The following MAPKAP1 variants were observed in gnomAD, a reference collection of about 807,000 sequenced individuals.
MAPKAP1 encodes the protein MAPK associated protein 1, also known as target of rapamycin complex 2 subunit MAPKAP1.
MAPKAP1 carries 20 observed loss-of-function variants against 65.7 expected under a neutral mutation model. The ratio of observed to expected loss-of-function variants is 0.30; its 90% CI spans 0.21 to 0.44. The LOEUF is 0.44. Among genes scored for constraint, MAPKAP1 ranks in the 20% least tolerant of loss-of-function variants. MAPKAP1 has a pLI of 1.00. For synonymous variants in MAPKAP1, 222 were observed against 244.3 expected (o/e 0.91, Z 0.85); for missense variants, 423 against 648.0 (o/e 0.65, Z 3.77).
intron 10 of MAPKAP1, among the ~76,000 whole-genome samples, chr9:125,461,902 C>G (rs1411714451): frequency 2.0e-5 from 3 of 152,168 alleles, no homozygotes; most frequent in Admixed American, 6.5e-5. Flanking sequence ...GGTGCCTCAC[C>G]TACTGGGCCC....
intron 4 of MAPKAP1, among the ~76,000 whole-genome samples, chr9:125,616,094 G>T (rs561819455): frequency 2.0e-5 from 3 of 152,020 alleles, no homozygotes; most frequent in African/African-American, 7.2e-5. Context: ...AGGGAAATTT[G>T]ATATATGACC....
At chr9:125,483,821 T>C (rs536591948) in intron 9 of MAPKAP1, among the ~76,000 whole-genome samples, 1 of 152,278 alleles carries the variant, frequency 6.6e-6, no homozygotes, top group South Asian at 2.1e-4. Flanking sequence ...GTAAAGCACT[T>C]AACACAGTGA....
At chr9:125,444,339 C>A (rs559362872) in intron 11 of MAPKAP1, among the ~76,000 whole-genome samples, 162 bp downstream of exon 11, 1 of 152,230 alleles carries the variant, frequency 6.6e-6, no homozygotes, top group African/African-American at 2.4e-5. Flanking sequence ...CAGGCACTCA[C>A]CCCTGGGTGG....
intron 4 of MAPKAP1, among the ~76,000 whole-genome samples, chr9:125,609,708 T>C (rs984131618): frequency 1.3e-5 from 2 of 152,194 alleles, no homozygotes; most frequent in Non-Finnish European, 2.9e-5. Flanking sequence ...TTTCTCTTTT[T>C]GGTAGTTTTG....
At chr9:125,613,233 A>C (rs1186489258) in intron 4 of MAPKAP1, among the ~76,000 whole-genome samples, 2 of 152,218 alleles carry the variant, frequency 1.3e-5, no homozygotes, top group African/African-American at 2.4e-5. Context: ...CTTAACATGA[A>C]GCCAGTAAAC....
intron 7 of MAPKAP1, 192 bp downstream of exon 7, chr9:125,542,867 C>T: frequency 1.4e-6 from 1 of 738,824 alleles, no homozygotes; most frequent in Non-Finnish European, 2.5e-6. Context: ...CTCACATATG[C>T]CGCTGACCCA....
At chr9:125,569,023 T>C (rs915966964) in intron 5 of MAPKAP1, among the ~76,000 whole-genome samples, 4 of 152,244 alleles carry the variant, frequency 2.6e-5, no homozygotes, top group Non-Finnish European at 5.9e-5. Context: ...AATTAGTCGT[T>C]CTGTGTCGAG....
intron 4 of MAPKAP1, among the ~76,000 whole-genome samples, chr9:125,619,184 T>C (rs1832827727): frequency 6.6e-6 from 1 of 152,182 alleles, no homozygotes; most frequent in Non-Finnish European, 1.5e-5. Flanking sequence ...AGTATAAACA[T>C]GGGCTAGTCA....
At chr9:125,562,367 G>T (rs1371017297) in intron 5 of MAPKAP1, among the ~76,000 whole-genome samples, 1 of 152,162 alleles carries the variant, frequency 6.6e-6, no homozygotes, top group Admixed American at 6.5e-5. Context: ...GCTGTGGCCT[G>T]TCCTGAGCAT....
At chr9:125,632,481 C>T (rs527815856) in intron 4 of MAPKAP1, among the ~76,000 whole-genome samples, 32 of 152,290 alleles carry the variant, frequency 2.1e-4, no homozygotes, top group Middle Eastern at 3.4e-3. Context: ...TTACAATTAA[C>T]CATGACCCTA....
rs555831805 is a variant in MAPKAP1 at position 125,673,925 on chromosome 9, T to C, written c.-69-1282A>G. On this transcript the variant is annotated intron_variant, in intron 1 of 11. Transcript: ENST00000265960. ...CCATTGCACTCCAGCCTGGGTGACA[T>C]AGTGAGACCCTGTCTTCTAAAAACA... is the stretch of plus-strand genomic sequence containing the variant. 1.0e-4 allele frequency among the ~76,000 whole-genome samples: 15 copies of C among 150,048 alleles called. No individual in the cohort carries two copies. The East Asian group carries it at 1.8e-3, about 18-fold the overall frequency.
At chr9:125,451,872 C>T (rs1461196126) in intron 10 of MAPKAP1, among the ~76,000 whole-genome samples, 3 of 148,800 alleles carry the variant, frequency 2.0e-5, no homozygotes, top group South Asian at 2.1e-4. Context: ...CGCAGTGGCG[C>T]GATCTCAGCT....
At chr9:125,552,838 G>A (rs971741331) in intron 6 of MAPKAP1, among the ~76,000 whole-genome samples, 6 of 152,160 alleles carry the variant, frequency 3.9e-5, no homozygotes, top group Non-Finnish European at 7.4e-5. Context: ...CAGGAGGACT[G>A]TCTGAACCCA....
intron 8 of MAPKAP1, among the ~76,000 whole-genome samples, chr9:125,500,041 T>C (rs1448248206): frequency 1.3e-5 from 2 of 152,172 alleles, no homozygotes; most frequent in Non-Finnish European, 2.9e-5. Context: ...TACTGCATAG[T>C]AGTTAAAAAG....
intron 6 of MAPKAP1, among the ~76,000 whole-genome samples, chr9:125,546,103 C>T (rs1238807139): frequency 6.6e-6 from 1 of 152,180 alleles, no homozygotes; most frequent in Non-Finnish European, 1.5e-5. Flanking sequence ...TTTACAGCCT[C>T]CGTGCTGAAG....
At chr9:125,483,037 A>C (rs990734902) in intron 9 of MAPKAP1, among the ~76,000 whole-genome samples, 4 of 152,140 alleles carry the variant, frequency 2.6e-5, no homozygotes, top group Admixed American at 1.3e-4. Flanking sequence ...CAGGGTTTGT[A>C]CCTGGGCCTC....
intron 4 of MAPKAP1, among the ~76,000 whole-genome samples, chr9:125,617,030 ATG>A (rs1254556100): frequency 1.3e-5 from 2 of 152,158 alleles, no homozygotes; most frequent in Non-Finnish European, 2.9e-5. Flanking sequence ...TATGCATGTT[ATG>A]TGTTTCTATT....
intron 6 of MAPKAP1, among the ~76,000 whole-genome samples, chr9:125,552,583 A>G (rs956617954): frequency 1.3e-5 from 2 of 152,198 alleles, no homozygotes; most frequent in Admixed American, 6.5e-5. Flanking sequence ...AAATAACTCA[A>G]AGGAAGGTTA....
At chr9:125,571,398 C>T (rs867531675) in intron 5 of MAPKAP1, among the ~76,000 whole-genome samples, 14 of 152,174 alleles carry the variant, frequency 9.2e-5, no homozygotes, top group South Asian at 2.1e-4. Context: ...TGTTCTTAAA[C>T]GCAGGTTTCT....
Sources: allele counts gnomAD v4.1 joint callset (sites outside exome capture counted in the v4.1 genomes callset), GRCh38; gene constraint gnomAD v4.1.1; transcripts MANE v1.5; gene names NCBI Gene and HGNC (gene_info 2026-07-23, HGNC 2026-07-21).